The following ABCB1 variants were observed in gnomAD, a reference collection of about 807,000 sequenced individuals.
ABCB1 encodes the protein ATP-dependent translocase ABCB1.
ABCB1 carries 69 observed loss-of-function variants against 142.0 expected under a neutral mutation model. The ratio of observed to expected loss-of-function variants is 0.49; its 90% CI spans 0.40 to 0.59. The LOEUF (loss-of-function observed/expected upper bound fraction) is 0.59. Ranked by LOEUF, ABCB1 falls within the 20% of genes least tolerant of loss-of-function variation. ABCB1 has a pLI of 0.00. For missense variants in ABCB1, 1,326 were observed against 1,554.7 expected (o/e 0.85, Z 2.47); for synonymous variants, 532 against 539.2 (o/e 0.99, Z 0.18).
intron 1 of ABCB1, chr7:87,650,757 A>G (rs2130371782): frequency 2.0e-6 from 2 of 985,080 alleles, no homozygotes; most frequent in Non-Finnish European, 3.2e-6. Flanking sequence ...CCTTCCTCCC[A>G]TTTTTTTCAT....
At chr7:87,637,525 A>T (rs1033644574) in intron 1 of ABCB1, among the ~76,000 whole-genome samples, 1 of 152,170 alleles carries the variant, frequency 6.6e-6, no homozygotes, top group African/African-American at 2.4e-5. Flanking sequence ...TCTTTATGAT[A>T]TTAAGACTTA....
chr7:87,549,412 A>G lies in ABCB1; in HGVS notation c.1661T>C (p.Leu554Pro). 6.2e-7 allele frequency: 1 copy of G among 1,614,230 alleles called. No individual in the cohort carries two copies. The highest frequency in any genetic ancestry group is 8.5e-7 in the Non-Finnish European group (1 of 1,180,040). The change falls in exon 14 of 28, where the codon CTG (leucine) becomes CCG (proline). Residue 554 changes from leucine (L) to proline (P), a missense_variant. Leu to Pro is a moderately conservative substitution (Grantham distance 98). Coordinates refer to ENST00000622132, the MANE Select transcript of ABCB1 (RefSeq NM_001348946.2). ...ALVRNPKILL[L>P]DEATSALDTE... ...GTCCAAGGCTGACGTGGCCTCATCC[A>G]GCAGGAGGATCTTGGGGTTGCGAAC...
At chr7:87,605,079 C>T (rs17149813), upstream of ABCB1, among the ~76,000 whole-genome samples, 1,010 of 152,218 alleles carry the variant, frequency 6.6e-3, 10 homozygotes, top group East Asian at 0.05. Context: ...AGGCTAAATG[C>T]CTAAGTTATC....
chr7:87,527,952 T>C (rs1815862823), intron 21 of ABCB1, among the ~76,000 whole-genome samples: 1 of 152,140 alleles, frequency 6.6e-6, no homozygotes, highest in South Asian at 2.1e-4. Context: ...CAGTTCCACA[T>C]AGCTGGGGAG....
intron 7 of ABCB1, among the ~76,000 whole-genome samples, chr7:87,564,555 A>G (rs1181765536): frequency 6.6e-6 from 1 of 152,172 alleles, no homozygotes; most frequent in Non-Finnish European, 1.5e-5. Context: ...CCTTTCTGCT[A>G]TATCTATTTG....
At chr7:87,663,356 G>T (rs753291187) in intron 1 of ABCB1, among the ~76,000 whole-genome samples, 3 of 151,880 alleles carry the variant, frequency 2.0e-5, no homozygotes, top group Non-Finnish European at 4.4e-5. Flanking sequence ...CCATCTCGTT[G>T]TCCAGTTCAG....
chr7:87,564,216 AGTT>A, intron 7 of ABCB1: 2 of 418,524 alleles, frequency 4.8e-6, no homozygotes, highest in South Asian at 3.6e-5. Context: ...TCTAGCCGGC[AGTT>A]GTTCCATTGA....
Position 87,553,695 on chromosome 7 carries a change from G to A in ABCB1, c.999+66C>T, listed in dbSNP as rs974663884. The A allele has an allele frequency of 4.7e-6, 7 of 1,503,714 alleles. No individual in the cohort carries two copies. In the African/African-American group the frequency reaches 8.3e-5, roughly 18 times the overall value. The allele number at this position is 1,503,714 out of a possible 1,614,324, so 93.1% of individuals were successfully genotyped here. A position where few individuals can be genotyped will look rare whatever the true frequency, so the allele number is the denominator to read the frequency against. On this transcript the variant is annotated intron_variant, in intron 9 of 27. Transcript: ENST00000622132. ...TCAAAATATATTCTTCTAAAGTCAA[G>A]CCAACATTACTGGATTTCATTGGCA...
upstream of ABCB1, among the ~76,000 whole-genome samples, chr7:87,602,773 T>C (rs1038547309): frequency 2.6e-5 from 4 of 152,204 alleles, no homozygotes; most frequent in Admixed American, 1.3e-4. Flanking sequence ...GTATTCCATT[T>C]CTTTGCTCCA....
intron 1 of ABCB1, chr7:87,694,076 A>G (rs1225387583): frequency 8.5e-6 from 13 of 1,523,792 alleles, no homozygotes; most frequent in Middle Eastern, 2.0e-4. Context: ...GGGTTTTGTA[A>G]AGCCTTCTTT....
At chr7:87,712,221 C>T (rs1337361194) in intron 1 of ABCB1, among the ~76,000 whole-genome samples, 2 of 151,882 alleles carry the variant, frequency 1.3e-5, no homozygotes, top group South Asian at 2.1e-4. Context: ...CTGATATATA[C>T]TTATTTAACT....
chr7:87,530,822 C>CAAGAAAGAAAGA (rs1376573110), intron 21 of ABCB1, among the ~76,000 whole-genome samples: 2 of 80,028 alleles, frequency 2.5e-5, no homozygotes, highest in African/African-American at 4.6e-5. Flanking sequence ...AGCAAGAAAG[C>CAAGAAAGAAAGA]AAGAAAGCAA....
rs1816044708 is a variant in ABCB1 at position 87,531,276 on chromosome 7, A to T, written c.2685+18T>A. Reference sequence around the variant, plus strand: ...CTTTACTCTACTTAATTAATCAATCATATTTAGTTTGACTCACCTTCCCAG... The same window carrying T: ...CTTTACTCTACTTAATTAATCAATCTTATTTAGTTTGACTCACCTTCCCAG... On this transcript the variant is annotated intron_variant, in intron 21 of 27. Transcript: ENST00000622132. 1 of 1,588,734 alleles carries T rather than the reference A, an allele frequency of 6.3e-7. No individual in the cohort carries two copies. The highest frequency in any genetic ancestry group is 8.6e-7 in the Non-Finnish European group (1 of 1,157,728).
chr7:87,519,572 T>G, intron 22 of ABCB1, 106 bp from the exon 23 acceptor site: 1 of 1,380,852 alleles, frequency 7.2e-7, no homozygotes, highest in Non-Finnish European at 1.0e-6. Flanking sequence ...CCAACAAAAA[T>G]GGGTTTCGTT....
At chr7:87,521,175 T>A (rs1196612818) in intron 21 of ABCB1, 2 of 411,930 alleles carry the variant, frequency 4.9e-6, no homozygotes, top group Non-Finnish European at 8.9e-6. Flanking sequence ...ACCAGAGAAC[T>A]CACAGTACTT....
chr7:87,520,009 T>C (rs776868028), intron 22 of ABCB1, among the ~76,000 whole-genome samples: 1 of 151,948 alleles, frequency 6.6e-6, no homozygotes, highest in Non-Finnish European at 1.5e-5. Context: ...TCTTCGGGGG[T>C]CTCAGAGAAG....
chr7:87,520,796 C>T lies in ABCB1; in HGVS notation c.2766G>A (p.Gln922=), dbSNP rs1815469355. The T allele has an allele frequency of 1.2e-6, 2 of 1,613,762 alleles. No individual in the cohort carries two copies. Among genetic ancestry groups the T allele is most frequent in the Non-Finnish European group, 1.7e-6 (2 of 1,179,808 alleles). ...QEQKFEHMYA[Q]SLQVPYRNSL... The stretch of plus-strand genomic sequence containing the variant: ...ATTACCTGTATGGTACCTGCAAACT[C>T]TGAGCATACATATGTTCAAACTTCT... Residue 922 remains glutamine, a synonymous_variant, in exon 22 of 28, where the codon CAG becomes CAA. Transcript: ENST00000622132.
At chr7:87,668,094 A>G (rs144848160) in intron 1 of ABCB1, among the ~76,000 whole-genome samples, 1 of 150,216 alleles carries the variant, frequency 6.7e-6, no homozygotes, top group African/African-American at 2.4e-5. Flanking sequence ...GGTAGAATTC[A>G]GTTATGAATC....
intron 17 of ABCB1, 54 bp from the exon 18 acceptor site, chr7:87,541,518 G>T: frequency 8.2e-7 from 1 of 1,224,250 alleles, no homozygotes; most frequent in Non-Finnish European, 1.2e-6. Flanking sequence ...AACCCATCCT[G>T]GACCTGACCC....
Sources: allele counts gnomAD v4.1 joint callset (sites outside exome capture counted in the v4.1 genomes callset), GRCh38; gene constraint gnomAD v4.1.1; transcripts MANE v1.5; gene names NCBI Gene and HGNC (gene_info 2026-07-23, HGNC 2026-07-21).